Variants in KALRN observed in about 807,000 individuals in gnomAD.
KALRN encodes the protein kalirin RhoGEF kinase.
A neutral mutation model predicts 353.7 loss-of-function variants in KALRN; 70 were observed. That is an observed-to-expected ratio of 0.20 (90% CI 0.16 to 0.24). The LOEUF is 0.24. Among genes scored for constraint, KALRN ranks in the 10% least tolerant of loss-of-function variants. The probability of loss-of-function intolerance (pLI) is 1.00; values close to 1 mark genes in which losing one functional copy is unlikely to be tolerated. For missense variants in KALRN, 2,791 were observed against 3,756.7 expected (o/e 0.74, Z 6.72); for synonymous variants, 1,391 against 1,434.8 (o/e 0.97, Z 0.69).
At chr3:124,099,975 C>G (rs958173163) in intron 1 of KALRN, among the ~76,000 whole-genome samples, 1 of 152,110 alleles carries the variant, frequency 6.6e-6, no homozygotes, top group African/African-American at 2.4e-5. Context: ...ACCAGCCTGG[C>G]CAACATGGTG....
Position 124,719,435 on chromosome 3 carries a change from AG to A in KALRN, c.8927del (p.Ser2976ThrfsTer7), listed in dbSNP as rs1277206596. On this transcript the variant is annotated frameshift_variant, in exon 60 of 60. Transcript: ENST00000682506. LOFTEE classifies it high-confidence loss of function. This position sits in a 1 kb window ranked among gnomAD's most constrained non-coding sequence, Gnocchi z 5.3. ...NDVRPIPNVK[S>X]YIVNRVNQGT ...TGTGCGGCCTATTCCCAATGTCAAGAGCTACATTGTCAACCGGGTGAACCAA... is the reference window on the plus strand; with the variant it reads ...TGTGCGGCCTATTCCCAATGTCAAGACTACATTGTCAACCGGGTGAACCAA... The A allele has an allele frequency of 2.5e-6, 4 of 1,613,934 alleles. No individual in the cohort carries two copies. The highest frequency in any genetic ancestry group is 3.4e-6 in the Non-Finnish European group (4 of 1,179,908).
chr3:124,121,111 A>AAG (rs1296994714), intron 1 of KALRN, among the ~76,000 whole-genome samples: 5 of 151,336 alleles, frequency 3.3e-5, no homozygotes, highest in South Asian at 2.1e-4. Context: ...AAAAAAAAAA[A>AAG]AAAGAAATCA....
chr3:124,255,180 G>A (rs560348478), intron 3 of KALRN, among the ~76,000 whole-genome samples: 1 of 152,274 alleles, frequency 6.6e-6, no homozygotes, highest in African/African-American at 2.4e-5. Flanking sequence ...CTGACCTCAA[G>A]TGATCTGCCC....
intron 37 of KALRN, among the ~76,000 whole-genome samples, chr3:124,640,508 C>T (rs1251717598): frequency 6.6e-6 from 1 of 152,076 alleles, no homozygotes; most frequent in Non-Finnish European, 1.5e-5. Context: ...TGGTCTCAAA[C>T]TCCTAACCAC....
chr3:124,068,195 C>T (rs1010003821), intron 1 of KALRN, among the ~76,000 whole-genome samples: 4 of 152,150 alleles, frequency 2.6e-5, no homozygotes, highest in African/African-American at 4.8e-5. Flanking sequence ...GATCCCAATT[C>T]TAGAAGTTGG....
chr3:124,511,848 A>G (rs757633771), intron 33 of KALRN, among the ~76,000 whole-genome samples: 8 of 152,194 alleles, frequency 5.3e-5, no homozygotes, highest in Non-Finnish European at 8.8e-5. Context: ...ACACATCTTC[A>G]TCATTAGAGT....
chr3:124,303,944 C>T (rs1013037904), intron 6 of KALRN, among the ~76,000 whole-genome samples: 1 of 152,032 alleles, frequency 6.6e-6, no homozygotes, highest in Admixed American at 6.6e-5. Context: ...TGAGAAAAAT[C>T]AAGATTCTGA....
chr3:124,034,428 GTCC>G (rs1426919094), intron 1 of KALRN, among the ~76,000 whole-genome samples: 6 of 152,202 alleles, frequency 3.9e-5, no homozygotes, highest in African/African-American at 9.6e-5. Flanking sequence ...CCTCCCCCTT[GTCC>G]TCCTCTTCAG....
At chr3:124,224,467 A>T (rs748276020) in intron 1 of KALRN, among the ~76,000 whole-genome samples, 1 of 152,108 alleles carries the variant, frequency 6.6e-6, no homozygotes, top group African/African-American at 2.4e-5. Context: ...CCTGGGCTGC[A>T]TGAGGCCTGT....
intron 1 of KALRN, among the ~76,000 whole-genome samples, chr3:124,200,683 C>T (rs551984988): frequency 9.9e-5 from 15 of 152,274 alleles, no homozygotes; most frequent in African/African-American, 3.1e-4. Context: ...AAAAGTGACT[C>T]AGCATGTTAC....
chr3:124,276,307 G>A (rs1464348292), intron 5 of KALRN, among the ~76,000 whole-genome samples: 1 of 152,156 alleles, frequency 6.6e-6, no homozygotes, highest in East Asian at 1.9e-4. Flanking sequence ...GGTATGTCCT[G>A]TTGGCCACAT....
chr3:124,653,752 T>C lies in KALRN; in HGVS notation c.5796-1849T>C, dbSNP rs1369242016. On this transcript the variant is annotated intron_variant, in intron 38 of 59. Transcript: ENST00000682506. ...GGTTCTAACCAGTAGCTGAAATAAT[T>C]TTAGTTGGACCAAAGAATAACATTT... Among the ~76,000 whole-genome samples, 20 of 152,318 alleles carry C rather than the reference T, an allele frequency of 1.3e-4. No individual in the cohort carries two copies. The East Asian group carries it at 3.9e-3, about 29-fold the overall frequency.
intron 6 of KALRN, among the ~76,000 whole-genome samples, chr3:124,318,563 A>G (rs938682321): frequency 2.0e-4 from 30 of 152,358 alleles, no homozygotes; most frequent in African/African-American, 6.3e-4. Flanking sequence ...TGGCAAATAT[A>G]TAAGTAATAC....
chr3:124,447,261 G>A (rs911359086), intron 21 of KALRN, among the ~76,000 whole-genome samples: 1 of 152,340 alleles, frequency 6.6e-6, no homozygotes, highest in Middle Eastern at 3.4e-3. Flanking sequence ...TGCACTTTGA[G>A]TGGTTTGGGA....
intron 5 of KALRN, among the ~76,000 whole-genome samples, chr3:124,277,269 C>T (rs1254804626): frequency 1.3e-5 from 2 of 152,186 alleles, no homozygotes; most frequent in Non-Finnish European, 2.9e-5. Context: ...AAGGCCTTTA[C>T]GGGGTGGTTG....
intron 14 of KALRN, among the ~76,000 whole-genome samples, chr3:124,420,919 T>A (rs888302227): frequency 1.6e-4 from 25 of 152,198 alleles, no homozygotes; most frequent in Non-Finnish European, 3.4e-4. Flanking sequence ...AAATGGGATT[T>A]ATTTTTTAGG....
At chr3:124,306,114 AC>A (rs2077674681) in intron 6 of KALRN, among the ~76,000 whole-genome samples, 2 of 152,072 alleles carry the variant, frequency 1.3e-5, no homozygotes, top group South Asian at 4.1e-4. Context: ...TTGCTCTATC[AC>A]CCAGGCTGAA....
At chr3:124,120,736 A>ATATG (rs2063911986) in intron 1 of KALRN, among the ~76,000 whole-genome samples, 1 of 144,392 alleles carries the variant, frequency 6.9e-6, no homozygotes, top group African/African-American at 2.6e-5. Context: ...ATATATATAT[A>ATATG]TATATATATT....
chr3:124,458,224 C>T (rs188160874), intron 23 of KALRN, among the ~76,000 whole-genome samples: 1 of 136,790 alleles, frequency 7.3e-6, no homozygotes, highest in African/African-American at 2.8e-5. Context: ...TGCAGTGAGC[C>T]GAGATCACGC....
Sources: allele counts gnomAD v4.1 joint callset (sites outside exome capture counted in the v4.1 genomes callset), GRCh38; gene constraint gnomAD v4.1.1; non-coding constraint Gnocchi (gnomAD v3.1); transcripts MANE v1.5; gene names NCBI Gene and HGNC (gene_info 2026-07-23, HGNC 2026-07-21).